The following GLB1L3 variants were observed in gnomAD, a reference collection of about 807,000 sequenced individuals.
The protein encoded by GLB1L3 is galactosidase beta 1 like 3.
Under a neutral mutation model 89.5 loss-of-function variants are expected in GLB1L3, and 89 were observed. The ratio of observed to expected loss-of-function variants is 0.99; its 90% CI spans 0.84 to 1.19. GLB1L3 has a LOEUF of 1.19. Among genes scored for constraint, GLB1L3 ranks in the 50% most tolerant of loss-of-function variants. The pLI is 0.00. For missense variants in GLB1L3, 812 were observed against 813.3 expected (o/e 1.00, Z 0.02); for synonymous variants, 314 against 312.3 (o/e 1.01, Z -0.06).
chr11:134,288,157 G>T (rs1193339946), intron 6 of GLB1L3, among the ~76,000 whole-genome samples: 2 of 152,214 alleles, frequency 1.3e-5, no homozygotes, highest in Non-Finnish European at 2.9e-5. Context: ...GGCAGGATGG[G>T]CTGGAAGCTT....
chr11:134,284,134 T>C (rs1940855572), intron 6 of GLB1L3, among the ~76,000 whole-genome samples: 1 of 152,208 alleles, frequency 6.6e-6, no homozygotes, highest in South Asian at 2.1e-4. Context: ...TCCCATTGCT[T>C]CTTTCCACTT....
At chr11:134,321,869 G>A (rs1312033618), downstream of GLB1L3, among the ~76,000 whole-genome samples, 1 of 151,674 alleles carries the variant, frequency 6.6e-6, no homozygotes, top group Non-Finnish European at 1.5e-5. Flanking sequence ...GTATACATAT[G>A]TAACAAACCT....
intron 18 of GLB1L3, among the ~76,000 whole-genome samples, chr11:134,316,557 T>A (rs971383628): frequency 1.3e-5 from 2 of 152,212 alleles, no homozygotes; most frequent in African/African-American, 4.8e-5. Context: ...AAACAGCTGA[T>A]ACTAAAGGTG....
At chr11:134,308,897 A>G (rs1942579826) in intron 10 of GLB1L3, among the ~76,000 whole-genome samples, 1 of 152,124 alleles carries the variant, frequency 6.6e-6, no homozygotes, top group Admixed American at 6.5e-5. Context: ...GCCAGAATTG[A>G]CTCCCACTCT....
downstream of GLB1L3, among the ~76,000 whole-genome samples, chr11:134,323,904 C>T (rs908713754): frequency 2.0e-5 from 3 of 151,972 alleles, no homozygotes; most frequent in Admixed American, 6.6e-5. Context: ...TTTTTTATGT[C>T]GTGTACTCTG....
intron 5 of GLB1L3, among the ~76,000 whole-genome samples, chr11:134,282,710 C>T (rs551568387): frequency 1.3e-5 from 2 of 152,210 alleles, no homozygotes; most frequent in African/African-American, 2.4e-5. Context: ...GGGTGAGACT[C>T]CAAGACTCCT....
Position 134,314,297 on chromosome 11 carries a change from T to G in GLB1L3, c.1668-33T>G. 8 of 1,442,700 alleles carry G rather than the reference T, an allele frequency of 5.5e-6. No individual in the cohort carries two copies. The South Asian group carries it at 7.6e-5, about 14-fold the overall frequency. 89.4% of individuals were successfully genotyped at this position (1,442,700 alleles called of 1,614,324 possible). A position where few individuals can be genotyped will look rare whatever the true frequency, so the allele number is the denominator to read the frequency against. On this transcript the variant is annotated intron_variant, in intron 17 of 19. Transcript: ENST00000431683. ...CTGGGAACTGGGTTGGGAAGGGGAC[T>G]TCTTCTCCCCCATGGCTTGGCCTTT...
chr11:134,311,163 TAA>T lies in GLB1L3; in HGVS notation c.1282_1283del (p.Asn428Ter). On this transcript the variant is annotated frameshift_variant, in exon 13 of 20. Transcript: ENST00000431683. LOFTEE classifies it high-confidence loss of function. ...CCGCTGTGGGACGCCCTATCCTACT[TAA>T]ATGAGGTGCGTGCTGCCTGGCCACA... is the stretch of plus-strand genomic sequence containing the variant. 1 of 1,612,118 alleles carries T rather than the reference TAA, an allele frequency of 6.2e-7. No homozygotes were observed. The highest frequency in any genetic ancestry group is 8.5e-7 in the Non-Finnish European group (1 of 1,178,270).
chr11:134,286,954 A>G (rs1675745098), intron 6 of GLB1L3: 2 of 150,390 alleles, frequency 1.3e-5, no homozygotes, highest in East Asian at 2.0e-4. Context: ...AGGTCAGGAG[A>G]TCAAGACCAT....
chr11:134,281,314 A>C lies in GLB1L3; in HGVS notation c.363-63A>C, dbSNP rs879892530. On this transcript the variant is annotated intron_variant, in intron 3 of 19. Transcript: ENST00000431683. ...TGGTTTTGGCTTGGATTTGGGGCAG[A>C]CCTAACAATTTGGAGGAAGAAATAA... is the stretch of plus-strand genomic sequence containing the variant. 1.4e-5 allele frequency: 23 copies of C among 1,597,812 alleles called. No individual in the cohort carries two copies. In the Admixed American group the frequency reaches 3.3e-4, roughly 23 times the overall value.
intron 9 of GLB1L3, among the ~76,000 whole-genome samples, chr11:134,298,563 T>A (rs985927002): frequency 6.6e-6 from 1 of 152,172 alleles, no homozygotes; most frequent in Admixed American, 6.5e-5. Flanking sequence ...GGGAAGTAAT[T>A]GAATCATAAG....
rs542156574 is a variant in GLB1L3, at chr11:134,286,633, C to T, written c.637-2165C>T. Among the ~76,000 whole-genome samples the T allele has an allele frequency of 3.9e-3, 584 of 151,080 alleles. 3 individuals are homozygous for T. The highest frequency in any genetic ancestry group is 0.013 in the African/African-American group (553 of 41,136). ...CTACTAAAAAATAGAAAAAATTAGC[C>T]GGGCGTGGTGGCGGGCGCCTGTAGT... On this transcript the variant is annotated intron_variant, in intron 6 of 19. Transcript: ENST00000431683.
At chr11:134,320,561 GTC>G (rs1196603344), downstream of GLB1L3, among the ~76,000 whole-genome samples, 1 of 152,146 alleles carries the variant, frequency 6.6e-6, no homozygotes, top group Admixed American at 6.5e-5. Context: ...TTGAAATCAT[GTC>G]TCTCTGATTG....
At position 134,319,113 on chromosome 11, in the gene GLB1L3, C is replaced by A; in HGVS notation, c.*171C>A. The A allele has an allele frequency of 1.7e-6, 1 of 572,792 alleles. No individual in the cohort carries two copies. Among genetic ancestry groups the A allele is most frequent in the Non-Finnish European group, 3.1e-6 (1 of 322,886 alleles). 35.5% of individuals were successfully genotyped at this position (572,792 alleles called of 1,614,324 possible). On this transcript the variant is annotated 3_prime_UTR_variant, in exon 20 of 20. Transcript: ENST00000431683. ...GGGACTACAGGTGCACGCCACCACG[C>A]CTGGCTAATTTTTTGTATTTTTAGT...
At chr11:134,300,906 C>T (rs973582474) in intron 9 of GLB1L3, among the ~76,000 whole-genome samples, 2 of 152,288 alleles carry the variant, frequency 1.3e-5, no homozygotes, top group South Asian at 2.1e-4. Context: ...GTTAGGCCTT[C>T]GTGTGAATTT....
chr11:134,310,956 G>A, intron 12 of GLB1L3, 108 bp from the exon 13 acceptor site: 1 of 772,466 alleles, frequency 1.3e-6, no homozygotes, highest in Admixed American at 2.1e-5. Flanking sequence ...GGATGACATA[G>A]TAACCCCCAA....
intron 9 of GLB1L3, among the ~76,000 whole-genome samples, chr11:134,297,586 C>T (rs144248554): frequency 0.011 from 1,692 of 152,018 alleles, 23 homozygotes; most frequent in African/African-American, 0.038. Flanking sequence ...ATAGGCCGGG[C>T]GCGGTGGCTC....
chr11:134,324,778 T>G, the GLB1L3 span, among the ~76,000 whole-genome samples: 1 of 152,122 alleles, frequency 6.6e-6, no homozygotes, highest in Admixed American at 6.5e-5. Context: ...TAAACCACAT[T>G]TTTATAAAAA....
rs779140838 is a variant in GLB1L3, at chr11:134,309,625, G to A, written c.962-1G>A. 8 of 1,592,230 alleles carry A rather than the reference G, an allele frequency of 5.0e-6. No homozygotes were observed. In the South Asian group the frequency reaches 9.1e-5, roughly 18 times the overall value. On this transcript the variant is annotated splice_acceptor_variant, in intron 10 of 19. Coordinates refer to ENST00000431683, the MANE Select transcript of GLB1L3 (RefSeq NM_001080407.3). LOFTEE classifies it high-confidence loss of function. ...CTGTGTTCTCATGTTCCCCTTTGCA[G>A]AGGTTGAACATGCTGTGTCTGAATT...
Sources: gnomAD v4.1 joint callset for allele counts (sites outside exome capture counted in the v4.1 genomes callset) on GRCh38, gnomAD v4.1.1 for gene constraint, MANE v1.5 for transcripts, NCBI Gene and HGNC (gene_info 2026-07-23, HGNC 2026-07-21) for gene names.